GALNT7: variants seen among roughly 807,000 people sequenced by gnomAD.
GALNT7 encodes the protein N-acetylgalactosaminyltransferase 7.
A neutral mutation model predicts 82.1 loss-of-function variants in GALNT7; 60 were observed. The ratio of observed to expected loss-of-function variants is 0.73; its 90% CI spans 0.59 to 0.91. The LOEUF is 0.91. Among genes scored for constraint, GALNT7 ranks in the 40% least tolerant of loss-of-function variants. The pLI is 0.00. For synonymous variants in GALNT7, 243 were observed against 275.1 expected (o/e 0.88, Z 1.15); for missense variants, 660 against 804.2 (o/e 0.82, Z 2.17).
intron 1 of GALNT7, among the ~76,000 whole-genome samples, chr4:173,178,052 T>TGCGTGCGTGCGCGC (rs1554019747): frequency 7.7e-6 from 1 of 129,510 alleles, no homozygotes; most frequent in Non-Finnish European, 1.6e-5. Flanking sequence ...TGTGTGTGTG[T>TGCGTGCGTGCGCGC]GCGCGCACGC....
intron 2 of GALNT7, among the ~76,000 whole-genome samples, chr4:173,287,593 C>T (rs1002908127): frequency 2.0e-5 from 3 of 152,226 alleles, no homozygotes; most frequent in African/African-American, 7.2e-5. Context: ...TCCCCCTTCA[C>T]CCCCTTCCTC....
chr4:173,209,789 T>G (rs750267647), intron 1 of GALNT7, among the ~76,000 whole-genome samples: 1 of 152,224 alleles, frequency 6.6e-6, no homozygotes, highest in Non-Finnish European at 1.5e-5. Flanking sequence ...GCACAAAGTT[T>G]GTGACCTCAG....
chr4:173,235,468 C>T (rs1734188910), intron 1 of GALNT7, among the ~76,000 whole-genome samples: 1 of 152,188 alleles, frequency 6.6e-6, no homozygotes, highest in African/African-American at 2.4e-5. Flanking sequence ...GATACTCTTC[C>T]CTCCTGTCTT....
intron 1 of GALNT7, among the ~76,000 whole-genome samples, chr4:173,175,797 G>A (rs1246138837): frequency 1.3e-5 from 2 of 152,196 alleles, no homozygotes; most frequent in Non-Finnish European, 2.9e-5. Flanking sequence ...TGGGAGGCTG[G>A]TGCGGTGGTT....
chr4:173,294,003 G>A (rs1357184214), intron 3 of GALNT7, among the ~76,000 whole-genome samples: 8 of 152,198 alleles, frequency 5.3e-5, no homozygotes, highest in African/African-American at 7.2e-5. Flanking sequence ...ATTTTCATCC[G>A]AGGAAGGGCA....
chr4:173,174,292 T>G (rs1331699113), intron 1 of GALNT7, among the ~76,000 whole-genome samples: 3 of 152,214 alleles, frequency 2.0e-5, no homozygotes, highest in Non-Finnish European at 4.4e-5. Flanking sequence ...TCAGAAGCTT[T>G]CATGTTTCCT....
chr4:173,268,838 C>CA (rs1411045469), intron 2 of GALNT7, among the ~76,000 whole-genome samples: 1 of 152,066 alleles, frequency 6.6e-6, no homozygotes, highest in Non-Finnish European at 1.5e-5. Context: ...CGCACCCGGA[C>CA]ACTTGTTTAC....
intron 2 of GALNT7, among the ~76,000 whole-genome samples, chr4:173,252,086 T>C (rs1734866498): frequency 6.6e-6 from 1 of 152,384 alleles, no homozygotes; most frequent in Non-Finnish European, 1.5e-5. Context: ...TTGGAATTTT[T>C]CTCTAAAATA....
At position 173,247,588 on chromosome 4, in the gene GALNT7, C is replaced by T. The variant is rs547949350; in HGVS notation, c.127-392C>T. On this transcript the variant is annotated intron_variant, in intron 1 of 11. Transcript: ENST00000265000. ...GACAAAAGGTTATATTTATCACACACGGTACAACTGGGAAAACCACATACT... is the reference window on the plus strand; with the variant it reads ...GACAAAAGGTTATATTTATCACACATGGTACAACTGGGAAAACCACATACT... Among the ~76,000 whole-genome samples the T allele has an allele frequency of 4.3e-4, 66 of 152,154 alleles. No individual in the cohort carries two copies. The South Asian group carries it at 0.012, about 28-fold the overall frequency.
chr4:173,261,589 G>C (rs1049528255), intron 2 of GALNT7, among the ~76,000 whole-genome samples: 2 of 152,230 alleles, frequency 1.3e-5, no homozygotes, highest in Non-Finnish European at 2.9e-5. Flanking sequence ...GGCCAAGGCG[G>C]GTGGATCACC....
chr4:173,179,088 T>G (rs1376938978), intron 1 of GALNT7, among the ~76,000 whole-genome samples: 1 of 152,250 alleles, frequency 6.6e-6, no homozygotes, highest in Non-Finnish European at 1.5e-5. Flanking sequence ...AAATTATTTT[T>G]TATGCATAGC....
At chr4:173,294,419 G>A (rs1031972690) in intron 3 of GALNT7, among the ~76,000 whole-genome samples, 22 of 151,970 alleles carry the variant, frequency 1.4e-4, no homozygotes, top group Admixed American at 5.2e-4. Context: ...AGATACCCAC[G>A]TGTATCTTAC....
intron 1 of GALNT7, among the ~76,000 whole-genome samples, chr4:173,236,071 G>A (rs1192260246): frequency 2.0e-5 from 3 of 152,182 alleles, no homozygotes; most frequent in Non-Finnish European, 4.4e-5. Flanking sequence ...CATTTGAAAG[G>A]AATGTCTAGG....
chr4:173,187,603 G>C (rs72993766), intron 1 of GALNT7, among the ~76,000 whole-genome samples: 2,454 of 152,286 alleles, frequency 0.016, 66 homozygotes, highest in Admixed American at 0.066. Flanking sequence ...CAACTATTTT[G>C]TGGCAGTTAC....
At chr4:173,178,043 GTGTGTGTGTGCGCGCA>G (rs1310657196) in intron 1 of GALNT7, among the ~76,000 whole-genome samples, 51 of 123,830 alleles carry the variant, frequency 4.1e-4, no homozygotes, top group Middle Eastern at 3.9e-3. Context: ...GTGTGTGTGT[GTGTGTGTGTGCGCGCA>G]CGCGCGTGCG....
intron 5 of GALNT7, among the ~76,000 whole-genome samples, chr4:173,297,215 TTTTTTTTTTAAAGCAACAA>T: frequency 6.7e-6 from 1 of 149,000 alleles, no homozygotes; most frequent in South Asian, 2.1e-4. Flanking sequence ...TTTTTTTGCT[TTTTTTTTTTAAAGCAACAA>T]TACCTTTTTT....
chr4:173,253,786 A>T (rs766813009), intron 2 of GALNT7, among the ~76,000 whole-genome samples: 18 of 152,220 alleles, frequency 1.2e-4, no homozygotes, highest in Non-Finnish European at 2.5e-4. Context: ...CCCGGTTTAG[A>T]TGAATTCATG....
intron 1 of GALNT7, among the ~76,000 whole-genome samples, chr4:173,178,007 C>CTGTGTGTGTG (rs70944437): frequency 1.4e-4 from 19 of 137,770 alleles, no homozygotes; most frequent in African/African-American, 5.0e-4. Context: ...ATCCGCAAGT[C>CTGTGTGTGTG]TGTGTGTGTG....
At chr4:173,214,049 G>A (rs1396267183) in intron 1 of GALNT7, among the ~76,000 whole-genome samples, 3 of 152,022 alleles carry the variant, frequency 2.0e-5, no homozygotes, top group Admixed American at 2.0e-4. Context: ...GTTAATGTAA[G>A]GGCTTTTCAG....
Sources: gnomAD v4.1 joint callset for allele counts (sites outside exome capture counted in the v4.1 genomes callset) on GRCh38, gnomAD v4.1.1 for gene constraint, MANE v1.5 for transcripts, NCBI Gene and HGNC (gene_info 2026-07-23, HGNC 2026-07-21) for gene names.